Variants in UTRN observed in about 807,000 individuals in gnomAD.
UTRN encodes the protein dystrophin-related protein 1.
Under a neutral mutation model 463.9 loss-of-function variants are expected in UTRN, and 283 were observed. The ratio of observed to expected loss-of-function variants is 0.61; its 90% CI spans 0.55 to 0.67. The LOEUF is 0.67. UTRN is among the 30% of genes least tolerant of loss of function. UTRN has a pLI of 0.00. For synonymous variants in UTRN, 1,442 were observed against 1,431.5 expected, an observed-to-expected ratio of 1.01 and a Z score of -0.17; for missense variants, 3,922 against 4,084.3, an observed-to-expected ratio of 0.96 and a Z score of 1.08.
rs147806761 is a variant in UTRN at position 144,306,060 on chromosome 6, C to T, written c.79+14153C>T. On this transcript the variant is annotated intron_variant, in intron 2 of 74. Coordinates refer to ENST00000367545, the MANE Select transcript of UTRN (RefSeq NM_007124.3). ...TTCCCTGACACATACATACCTCACA[C>T]CCTGCACACACCACACACCACAAAC... 1.4e-4 allele frequency among the ~76,000 whole-genome samples: 21 copies of T among 152,324 alleles called. No individual in the cohort carries two copies. In the East Asian group the frequency reaches 3.1e-3, roughly 22 times the overall value.
At chr6:144,357,710 T>C (rs1298760811) in intron 2 of UTRN, among the ~76,000 whole-genome samples, 1 of 152,280 alleles carries the variant, frequency 6.6e-6, no homozygotes, top group Non-Finnish European at 1.5e-5. Flanking sequence ...GCCTTATTTT[T>C]TTTCCTCCTT....
chr6:144,550,986 C>A lies in UTRN; in HGVS notation c.6832C>A (p.Gln2278Lys), dbSNP rs201792361. 33 of 1,608,752 alleles carry A rather than the reference C, an allele frequency of 2.1e-5. No individual in the cohort carries two copies. Among genetic ancestry groups the A allele is most frequent in the Non-Finnish European group, 2.8e-5 (33 of 1,178,650 alleles). The change falls in exon 48 of 75, where the codon CAG (glutamine) becomes AAG (lysine). Residue 2278 changes from glutamine (Q) to lysine (K), a missense_variant. Coordinates refer to ENST00000367545, the MANE Select transcript of UTRN (RefSeq NM_007124.3). ...RMKITKADLE[Q>K]RHPQLDYVFT... is the part of the protein sequence containing the mutation. ...ACAGATTACAAAGGCTGACTTAGAA[C>A]AGCGCCATCCTCAGCTGGATTATGT...
intron 2 of UTRN, among the ~76,000 whole-genome samples, chr6:144,360,682 T>G (rs1431852704): frequency 6.6e-6 from 1 of 152,232 alleles, no homozygotes; most frequent in Non-Finnish European, 1.5e-5. Context: ...AGCCAGTGAC[T>G]GCTGCTGTAG....
Position 144,703,794 on chromosome 6 carries a change from A to T in UTRN, c.7809+3551A>T, listed in dbSNP as rs116444664. Among the ~76,000 whole-genome samples, 1,194 of 152,322 alleles carry T rather than the reference A, an allele frequency of 7.8e-3. 16 individuals are homozygous for T. Among genetic ancestry groups the T allele is most frequent in the African/African-American group, 0.027 (1,120 of 41,566 alleles). ...TGGAGTAGATTCAAGAGAGAATATGAACAAAAGTACAGAAAACCATTTTAA... is the reference window on the plus strand; with the variant it reads ...TGGAGTAGATTCAAGAGAGAATATGTACAAAAGTACAGAAAACCATTTTAA... On this transcript the variant is annotated intron_variant, in intron 53 of 74. Transcript: ENST00000367545.
intron 58 of UTRN, among the ~76,000 whole-genome samples, chr6:144,764,422 A>G (rs1793042458): frequency 6.6e-6 from 1 of 152,200 alleles, no homozygotes; most frequent in Non-Finnish European, 1.5e-5. Context: ...CCATTAGTCT[A>G]CATATTGTTG....
intron 2 of UTRN, among the ~76,000 whole-genome samples, chr6:144,397,225 T>C (rs1190963994): frequency 4.0e-5 from 6 of 151,496 alleles, no homozygotes; most frequent in Non-Finnish European, 7.4e-5. Flanking sequence ...GCCTGGGCAA[T>C]AAGAGCGAAA....
rs35619240 is a variant in UTRN at position 144,674,219 on chromosome 6, A to AT, written c.7480-4176dup. Among the ~76,000 whole-genome samples the AT allele has an allele frequency of 7.3e-4, 108 of 148,128 alleles. 1 individual carries two copies. Among genetic ancestry groups the AT allele is most frequent in the Admixed American group, 2.9e-3 (44 of 14,962 alleles). On this transcript the variant is annotated intron_variant, in intron 51 of 74. Coordinates refer to ENST00000367545, the MANE Select transcript of UTRN (RefSeq NM_007124.3). ...AGCAAAACCATGGAAGTTTTCATTG[A>AT]TTTTTTTTTTTCAAATAAATTTTCC...
intron 45 of UTRN, among the ~76,000 whole-genome samples, chr6:144,539,840 T>G (rs1309520182): frequency 1.3e-5 from 2 of 151,930 alleles, no homozygotes; most frequent in Non-Finnish European, 2.9e-5. Flanking sequence ...TCCAGGAGTT[T>G]GAGACCAGCC....
chr6:144,803,227 AC>A (rs1777855673), intron 65 of UTRN, 80 bp downstream of exon 65: 2 of 885,392 alleles, frequency 2.3e-6, no homozygotes, highest in Non-Finnish European at 3.1e-6. Context: ...ATTTATTTAG[AC>A]TTAATCTTTT....
intron 51 of UTRN, among the ~76,000 whole-genome samples, chr6:144,648,305 A>G (rs1778480752): frequency 6.6e-6 from 1 of 152,222 alleles, no homozygotes; most frequent in African/African-American, 2.4e-5. Flanking sequence ...TTACCCTAAT[A>G]TCCATTTCTT....
At chr6:144,772,015 G>GT in intron 59 of UTRN, 47 bp downstream of exon 59, 2 of 239,816 alleles carry the variant, frequency 8.3e-6, no homozygotes, top group South Asian at 6.6e-5. Flanking sequence ...ACTGAGAACC[G>GT]GTTTTTTTTT....
chr6:144,715,847 A>G (rs2128706090), intron 53 of UTRN, among the ~76,000 whole-genome samples: 1 of 151,214 alleles, frequency 6.6e-6, no homozygotes, highest in African/African-American at 2.4e-5. Context: ...TACCCAAGGG[A>G]ACATGTCCTT....
intron 2 of UTRN, among the ~76,000 whole-genome samples, chr6:144,362,485 G>A (rs12664298): frequency 0.025 from 3,772 of 152,308 alleles, 121 homozygotes; most frequent in East Asian, 0.11. Context: ...TTAGCTACAA[G>A]TGAATGTGAC....
At chr6:144,715,515 C>G (rs1040882521) in intron 53 of UTRN, among the ~76,000 whole-genome samples, 1 of 152,104 alleles carries the variant, frequency 6.6e-6, no homozygotes, top group East Asian at 1.9e-4. Context: ...TGCTCATTTC[C>G]TCTCTTGCTG....
chr6:144,791,680 C>A (rs956271126), intron 62 of UTRN, among the ~76,000 whole-genome samples: 1 of 151,780 alleles, frequency 6.6e-6, no homozygotes, highest in Non-Finnish European at 1.5e-5. Context: ...TTTCTTATTA[C>A]CTGCCCCTTT....
At chr6:144,455,584 C>A (rs183981624) in intron 19 of UTRN, among the ~76,000 whole-genome samples, 45 of 152,236 alleles carry the variant, frequency 3.0e-4, no homozygotes, top group African/African-American at 8.4e-4. Flanking sequence ...AGCAGTGTGG[C>A]AGAATTATGA....
intron 2 of UTRN, among the ~76,000 whole-genome samples, chr6:144,337,352 C>T (rs1225425043): frequency 6.6e-6 from 1 of 152,186 alleles, no homozygotes; most frequent in Non-Finnish European, 1.5e-5. Flanking sequence ...TTTACCTCCT[C>T]ATTAAGGGCT....
chr6:144,353,833 C>A (rs1199996911), intron 2 of UTRN, among the ~76,000 whole-genome samples: 1 of 148,376 alleles, frequency 6.7e-6, no homozygotes, highest in East Asian at 1.9e-4. Flanking sequence ...GGCAACAGAG[C>A]GAGACTGTCT....
At chr6:144,847,776 G>A (rs1205699634) in intron 74 of UTRN, among the ~76,000 whole-genome samples, 1 of 152,168 alleles carries the variant, frequency 6.6e-6, no homozygotes, top group Non-Finnish European at 1.5e-5. Context: ...ATCTTTGCAA[G>A]TAGCTGCTTA....
Sources: allele counts gnomAD v4.1 joint callset (sites outside exome capture counted in the v4.1 genomes callset), GRCh38; gene constraint gnomAD v4.1.1; transcripts MANE v1.5; gene names NCBI Gene and HGNC (gene_info 2026-07-23, HGNC 2026-07-21).